Variants in RGS6 observed in about 807,000 individuals in gnomAD.
The protein encoded by RGS6 is regulator of G protein signaling 6.
A neutral mutation model predicts 78.5 loss-of-function variants in RGS6; 30 were observed. The observed-to-expected ratio is 0.38, with a 90% confidence interval of 0.29 to 0.52. RGS6 has a LOEUF of 0.52. Among genes scored for constraint, RGS6 ranks in the 20% least tolerant of loss-of-function variants. The pLI, the probability that RGS6 is intolerant of heterozygous loss-of-function variation, is 0.85. For synonymous variants in RGS6, 206 were observed against 206.0 expected, an observed-to-expected ratio of 1.00 and a Z score of 0.00; for missense variants, 495 against 609.7, an observed-to-expected ratio of 0.81 and a Z score of 1.98.
chr14:72,214,359 A>G (rs939957291), intron 2 of RGS6, among the ~76,000 whole-genome samples: 5 of 151,770 alleles, frequency 3.3e-5, no homozygotes, highest in Non-Finnish European at 5.9e-5. Context: ...TGCATTTTTG[A>G]TGGAGATGGA....
intron 2 of RGS6, among the ~76,000 whole-genome samples, chr14:71,982,100 C>T (rs1030202788): frequency 3.9e-5 from 6 of 152,268 alleles, no homozygotes; most frequent in African/African-American, 9.6e-5. Context: ...AACTCCCTGA[C>T]CCCTTGCGCT....
intron 2 of RGS6, among the ~76,000 whole-genome samples, chr14:72,260,906 A>G (rs758706888): frequency 6.6e-6 from 1 of 152,144 alleles, no homozygotes; most frequent in Admixed American, 6.5e-5. Flanking sequence ...AGATGTGTAC[A>G]TTTTCGTGGG....
chr14:72,340,566 GGC>G (rs1264841692), intron 2 of RGS6, among the ~76,000 whole-genome samples: 1 of 152,166 alleles, frequency 6.6e-6, no homozygotes, highest in East Asian at 1.9e-4. Context: ...GCCATCTGGG[GGC>G]ATCACTTTGA....
intron 2 of RGS6, among the ~76,000 whole-genome samples, chr14:72,016,865 T>C (rs1405998352): frequency 6.6e-6 from 1 of 152,244 alleles, no homozygotes; most frequent in African/African-American, 2.4e-5. Flanking sequence ...ACTCAGATGG[T>C]TTACAGATAA....
chr14:72,535,283 G>A (rs2097234809), intron 15 of RGS6, among the ~76,000 whole-genome samples: 1 of 152,214 alleles, frequency 6.6e-6, no homozygotes, highest in African/African-American at 2.4e-5. Flanking sequence ...CCTCCTGGGT[G>A]TTAGTTACAT....
rs546192625 is a variant in RGS6 at position 72,103,280 on chromosome 14, T to C, written c.84+138405T>C. Among the ~76,000 whole-genome samples, 4 of 152,272 alleles carry C rather than the reference T, an allele frequency of 2.6e-5. No homozygotes were observed. In the East Asian group the frequency reaches 7.7e-4, roughly 29 times the overall value. ...AAGAGTCAATATGTGGATATCTGAG[T>C]GTCAAATCTGGCATGCACTGTATTT... On this transcript the variant is annotated intron_variant, in intron 2 of 17. Coordinates refer to ENST00000553525, the MANE Select transcript of RGS6 (RefSeq NM_001204424.2).
chr14:71,883,119 T>A, the RGS6 span, among the ~76,000 whole-genome samples: 3 of 152,384 alleles, frequency 2.0e-5, no homozygotes, highest in Admixed American at 6.5e-5. Flanking sequence ...TCAGGTTTTT[T>A]AAATCAATGT....
chr14:72,472,137 C>T (rs1291872321), intron 8 of RGS6, among the ~76,000 whole-genome samples: 9 of 143,572 alleles, frequency 6.3e-5, no homozygotes, highest in Admixed American at 5.0e-4. Context: ...TTGCTTTTTA[C>T]TTGAAATAAA....
intron 2 of RGS6, among the ~76,000 whole-genome samples, chr14:72,264,924 T>C (rs1415422405): frequency 6.6e-6 from 1 of 152,244 alleles, no homozygotes; most frequent in African/African-American, 2.4e-5. Context: ...TACCACGTTC[T>C]GGTGCTTGGC....
At position 72,287,055 on chromosome 14, in the gene RGS6, C is replaced by G. The variant is rs768144732; in HGVS notation, c.85-65040C>G. Among the ~76,000 whole-genome samples the G allele has an allele frequency of 6.6e-5, 10 of 152,132 alleles. 1 individual carries two copies. The highest frequency in any genetic ancestry group is 1.3e-4 in the Non-Finnish European group (9 of 68,028). On this transcript the variant is annotated intron_variant, in intron 2 of 17. Transcript: ENST00000553525. ...CACCTTGGCCTCCCAAAGTGCTGGC[C>G]TCCCAGGTGCAAACTACCACACCTG...
At chr14:72,056,881 A>G (rs573518310) in intron 2 of RGS6, among the ~76,000 whole-genome samples, 4 of 152,312 alleles carry the variant, frequency 2.6e-5, no homozygotes, top group South Asian at 4.1e-4. Flanking sequence ...GATCATGTTT[A>G]TGTCTGTATT....
At chr14:72,078,948 AT>A (rs1352549784) in intron 2 of RGS6, among the ~76,000 whole-genome samples, 3 of 151,944 alleles carry the variant, frequency 2.0e-5, no homozygotes, top group Non-Finnish European at 4.4e-5. Flanking sequence ...GAATCTGTAA[AT>A]CTCTTTTAAC....
Position 72,305,575 on chromosome 14 carries a change from G to A in RGS6, c.85-46520G>A, listed in dbSNP as rs114875679. Among the ~76,000 whole-genome samples, 390 of 152,144 alleles carry A rather than the reference G, an allele frequency of 2.6e-3. 1 individual carries two copies. Among genetic ancestry groups the A allele is most frequent in the African/African-American group, 9.2e-3 (383 of 41,528 alleles). ...ATCTGTGATCAGTGTTGTTTATGTT[G>A]CTATTATAATTGCTTTGGGGCACCA... On this transcript the variant is annotated intron_variant, in intron 2 of 17. Transcript: ENST00000553525.
At chr14:72,207,009 T>A (rs2042877217) in intron 2 of RGS6, among the ~76,000 whole-genome samples, 1 of 152,246 alleles carries the variant, frequency 6.6e-6, no homozygotes, top group South Asian at 2.1e-4. Context: ...CCTTGCATAT[T>A]GTTTGAATTT....
At chr14:72,544,778 T>TGCCAAAA (rs1308668608) in intron 17 of RGS6, among the ~76,000 whole-genome samples, 2 of 152,164 alleles carry the variant, frequency 1.3e-5, no homozygotes, top group Admixed American at 6.5e-5. Flanking sequence ...TTCCTTCCCC[T>TGCCAAAA]GCCAAAAGCC....
At chr14:72,100,501 C>T (rs1410001518) in intron 2 of RGS6, among the ~76,000 whole-genome samples, 1 of 151,770 alleles carries the variant, frequency 6.6e-6, no homozygotes, top group African/African-American at 2.4e-5. Context: ...AAAAACAAAA[C>T]CAAAAAAAGG....
intron 2 of RGS6, among the ~76,000 whole-genome samples, chr14:72,105,534 CTCTT>C (rs1379225909): frequency 1.3e-5 from 2 of 152,064 alleles, no homozygotes; most frequent in Admixed American, 6.6e-5. Context: ...AGGAATTTTG[CTCTT>C]TCTGTTATAT....
intron 2 of RGS6, among the ~76,000 whole-genome samples, chr14:72,112,299 T>C (rs975984365): frequency 6.6e-5 from 10 of 152,130 alleles, no homozygotes; most frequent in Admixed American, 3.9e-4. Context: ...AGTTCGTTGG[T>C]GGTGGTTATA....
chr14:72,012,399 T>G (rs561803929), intron 2 of RGS6, among the ~76,000 whole-genome samples: 31 of 152,318 alleles, frequency 2.0e-4, no homozygotes, highest in African/African-American at 7.0e-4. Flanking sequence ...TCTTTGAACT[T>G]TAAAGAATGT....
Sources: gnomAD v4.1 joint callset for allele counts (sites outside exome capture counted in the v4.1 genomes callset) on GRCh38, gnomAD v4.1.1 for gene constraint, MANE v1.5 for transcripts, NCBI Gene and HGNC (gene_info 2026-07-23, HGNC 2026-07-21) for gene names.